The following MEGF11 variants were observed in gnomAD, a reference collection of about 807,000 sequenced individuals.
MEGF11 encodes multiple epidermal growth factor-like domains protein 11.
A neutral mutation model predicts 146.6 loss-of-function variants in MEGF11; 126 were observed. The observed-to-expected ratio is 0.86, with a 90% CI of 0.74 to 1.00. The LOEUF (loss-of-function observed/expected upper bound fraction) is 1.00, where lower values mean the gene tolerates loss of function less well. Ranked by LOEUF, MEGF11 falls within the 50% of genes least tolerant of loss-of-function variation. The pLI is 0.00. For missense variants in MEGF11, 1,509 were observed against 1,521.2 expected (o/e 0.99, Z 0.13); for synonymous variants, 532 against 583.4 (o/e 0.91, Z 1.27).
intron 1 of MEGF11, among the ~76,000 whole-genome samples, chr15:66,177,346 C>G (rs1479859093): frequency 6.6e-6 from 1 of 152,086 alleles, no homozygotes; most frequent in Admixed American, 6.5e-5. Flanking sequence ...ATAAGTCAAG[C>G]CTATAATGTA....
At chr15:66,084,621 T>C (rs2086025763) in intron 5 of MEGF11, among the ~76,000 whole-genome samples, 1 of 152,050 alleles carries the variant, frequency 6.6e-6, no homozygotes, top group Non-Finnish European at 1.5e-5. Flanking sequence ...CCGAGTAAAA[T>C]ACAGGGGTAG....
intron 1 of MEGF11, among the ~76,000 whole-genome samples, chr15:66,179,577 G>A (rs2090484508): frequency 6.6e-6 from 1 of 152,128 alleles, no homozygotes; most frequent in Non-Finnish European, 1.5e-5. Context: ...ACGTCCCTGA[G>A]CCTGCTCAGG....
At chr15:66,237,524 A>G (rs947648687) in intron 1 of MEGF11, among the ~76,000 whole-genome samples, 1 of 152,206 alleles carries the variant, frequency 6.6e-6, no homozygotes, top group African/African-American at 2.4e-5. Flanking sequence ...CCCACCTTCC[A>G]GGTCCACCGT....
At chr15:66,132,077 G>A (rs1231892073) in intron 1 of MEGF11, among the ~76,000 whole-genome samples, 2 of 152,188 alleles carry the variant, frequency 1.3e-5, no homozygotes, top group Non-Finnish European at 2.9e-5. Context: ...CATAGCAAAC[G>A]ATCCCTCCTC....
At chr15:66,228,321 C>G (rs2091895776) in intron 1 of MEGF11, among the ~76,000 whole-genome samples, 1 of 152,108 alleles carries the variant, frequency 6.6e-6, no homozygotes, top group Non-Finnish European at 1.5e-5. Flanking sequence ...GCCTTGTCCC[C>G]ACCACCAAGA....
chr15:66,240,997 G>A (rs1370679728), intron 1 of MEGF11, among the ~76,000 whole-genome samples: 1 of 152,186 alleles, frequency 6.6e-6, no homozygotes, highest in Non-Finnish European at 1.5e-5. Flanking sequence ...AGCCAAAGAT[G>A]GGTATACAGA....
In MEGF11 at chr15:66,070,492, C is replaced by A. The variant is rs148192168; in HGVS notation, c.394+23910G>T. 1.9e-4 allele frequency among the ~76,000 whole-genome samples: 29 copies of A among 152,338 alleles called. No homozygotes were observed. The East Asian group carries it at 5.0e-3, about 26-fold the overall frequency. On this transcript the variant is annotated intron_variant, in intron 5 of 25. Transcript: ENST00000395614. ...TAAGCCTTACGGGATCACCAATGAG[C>A]AAGCAAAAATGATGTTCAACAATTG... is the stretch of plus-strand genomic sequence containing the variant.
intron 5 of MEGF11, among the ~76,000 whole-genome samples, chr15:65,984,399 G>A (rs1021521679): frequency 3.3e-5 from 5 of 151,838 alleles, no homozygotes; most frequent in Admixed American, 1.3e-4. Flanking sequence ...GGCAGCATGC[G>A]CCTGTAGTCC....
chr15:66,136,884 A>G (rs1196863241), intron 1 of MEGF11, among the ~76,000 whole-genome samples: 1 of 152,176 alleles, frequency 6.6e-6, no homozygotes. Flanking sequence ...GGGAAAAAAA[A>G]TAGCCAGGCA....
intron 5 of MEGF11, among the ~76,000 whole-genome samples, chr15:66,059,761 C>T (rs1447702884): frequency 6.6e-6 from 1 of 152,228 alleles, no homozygotes; most frequent in African/African-American, 2.4e-5. Context: ...AGGGACTCCC[C>T]TGCCCACTCT....
chr15:66,045,934 C>A (rs1307574014), intron 5 of MEGF11, among the ~76,000 whole-genome samples: 2 of 152,038 alleles, frequency 1.3e-5, no homozygotes, highest in Non-Finnish European at 2.9e-5. Context: ...GAAATCCTGT[C>A]TCTACTAAAA....
At chr15:66,078,954 G>T (rs545199134) in intron 5 of MEGF11, among the ~76,000 whole-genome samples, 1 of 152,248 alleles carries the variant, frequency 6.6e-6, no homozygotes, top group East Asian at 1.9e-4. Flanking sequence ...CAGTTCACTC[G>T]CAGACCCCAG....
intron 8 of MEGF11, among the ~76,000 whole-genome samples, chr15:65,968,936 G>C (rs1364402103): frequency 6.6e-6 from 1 of 152,162 alleles, no homozygotes; most frequent in Non-Finnish European, 1.5e-5. Flanking sequence ...TGTCACCTAC[G>C]AAATTAATGG....
chr15:65,955,756 AAAAAAATAT>A (rs1221721827), intron 10 of MEGF11, among the ~76,000 whole-genome samples: 1 of 19,592 alleles, frequency 5.1e-5, no homozygotes, highest in African/African-American at 1.3e-4. Context: ...AAAAAAAAAA[AAAAAAATAT>A]ATATATATAT....
At chr15:66,009,194 AAGG>A (rs1165823191) in intron 5 of MEGF11, among the ~76,000 whole-genome samples, 1 of 152,006 alleles carries the variant, frequency 6.6e-6, no homozygotes, top group East Asian at 1.9e-4. Flanking sequence ...CGATCTTCAG[AAGG>A]AGGCTTGTGG....
intron 1 of MEGF11, among the ~76,000 whole-genome samples, chr15:66,225,720 A>G (rs2091837882): frequency 7.9e-5 from 12 of 152,166 alleles, no homozygotes; most frequent in Admixed American, 7.9e-4. Context: ...GCACTCACAC[A>G]CACACGCACA....
chr15:65,932,184 G>A (rs1267442672), intron 10 of MEGF11, among the ~76,000 whole-genome samples: 1 of 152,206 alleles, frequency 6.6e-6, no homozygotes, highest in Non-Finnish European at 1.5e-5. Flanking sequence ...AAGCTGAGAT[G>A]ACCCCTGGAG....
Position 65,950,204 on chromosome 15 carries a change from C to G in MEGF11, c.1287+7343G>C, listed in dbSNP as rs916733171. ...TGCTTGTTGAAAGATTACTAATATG[C>G]TAGACATTCTAAGCACTTTATATTT... On this transcript the variant is annotated intron_variant, in intron 10 of 25. Coordinates refer to ENST00000395614, the MANE Select transcript of MEGF11 (RefSeq NM_001385028.1). Among the ~76,000 whole-genome samples, 3 of 152,196 alleles carry G rather than the reference C, an allele frequency of 2.0e-5. 1 individual carries two copies. Among genetic ancestry groups the G allele is most frequent in the Non-Finnish European group, 4.4e-5 (3 of 68,042 alleles).
intron 9 of MEGF11, among the ~76,000 whole-genome samples, chr15:65,964,141 G>A (rs2141552707): frequency 6.6e-6 from 1 of 152,334 alleles, no homozygotes; most frequent in South Asian, 2.1e-4. Flanking sequence ...GTTACCTGGG[G>A]CAGTGCCAGC....
Sources: gnomAD v4.1 joint callset for allele counts (sites outside exome capture counted in the v4.1 genomes callset) on GRCh38, gnomAD v4.1.1 for gene constraint, MANE v1.5 for transcripts, NCBI Gene and HGNC (gene_info 2026-07-23, HGNC 2026-07-21) for gene names.